Variants in PPP3R1 observed in about 807,000 individuals in gnomAD.
PPP3R1 encodes protein phosphatase 3 regulatory subunit B, alpha, also known as calcineurin subunit B type 1.
PPP3R1 carries 5 observed loss-of-function variants against 22.6 expected under a neutral mutation model. That is an observed-to-expected ratio of 0.22 (90% CI 0.12 to 0.46). The LOEUF is 0.46. Ranked by LOEUF, PPP3R1 falls within the 20% of genes least tolerant of loss-of-function variation. The pLI, the probability that PPP3R1 is intolerant of heterozygous loss-of-function variation, is 0.99. For synonymous variants in PPP3R1, 56 were observed against 65.2 expected (o/e 0.86, Z 0.68); for missense variants, 61 against 203.2 (o/e 0.30, Z 4.25).
chr2:68,238,679 A>C (rs1305549334), intron 1 of PPP3R1, among the ~76,000 whole-genome samples: 3 of 152,328 alleles, frequency 2.0e-5, no homozygotes, highest in Admixed American at 2.0e-4. Flanking sequence ...CACAGGCAAA[A>C]AGAAAAAAGT....
chr2:68,211,222 C>T (rs565008839), intron 2 of PPP3R1, among the ~76,000 whole-genome samples: 1 of 151,870 alleles, frequency 6.6e-6, no homozygotes, highest in Non-Finnish European at 1.5e-5. Flanking sequence ...CTGGCTAACA[C>T]AATGAAACCC....
chr2:68,231,656 G>A (rs1220001849), intron 1 of PPP3R1, among the ~76,000 whole-genome samples: 1 of 152,034 alleles, frequency 6.6e-6, no homozygotes, highest in Non-Finnish European at 1.5e-5. Context: ...TATTGGTTGA[G>A]ATTTAACAAA....
At chr2:68,236,335 T>C (rs955834330) in intron 1 of PPP3R1, among the ~76,000 whole-genome samples, 4 of 152,116 alleles carry the variant, frequency 2.6e-5, no homozygotes, top group Non-Finnish European at 5.9e-5. Flanking sequence ...AATGGCAGAG[T>C]TGAAATGGTG....
intron 1 of PPP3R1, among the ~76,000 whole-genome samples, chr2:68,236,762 C>A (rs970046289): frequency 2.0e-5 from 3 of 151,978 alleles, no homozygotes; most frequent in African/African-American, 7.2e-5. Flanking sequence ...TAACCTAGGG[C>A]CAGGTTATAA....
At chr2:68,207,466 T>C (rs951403854) in intron 2 of PPP3R1, among the ~76,000 whole-genome samples, 5 of 152,176 alleles carry the variant, frequency 3.3e-5, no homozygotes, top group South Asian at 4.1e-4. Context: ...TTATTTCAAA[T>C]GCTTACCACA....
At chr2:68,236,311 C>T (rs7584955) in intron 1 of PPP3R1, among the ~76,000 whole-genome samples, 3,550 of 152,250 alleles carry the variant, frequency 0.023, 129 homozygotes, top group African/African-American at 0.081. Flanking sequence ...CTGTCTATAG[C>T]TGCTTCACAC....
At chr2:68,229,926 A>ATGTG (rs548038517) in intron 1 of PPP3R1, among the ~76,000 whole-genome samples, 8 of 149,082 alleles carry the variant, frequency 5.4e-5, no homozygotes, top group African/African-American at 2.0e-4. Flanking sequence ...GTGTATATAT[A>ATGTG]TGTGTGTGTA....
intron 1 of PPP3R1, among the ~76,000 whole-genome samples, chr2:68,232,623 T>C (rs1002430025): frequency 2.0e-5 from 3 of 152,046 alleles, no homozygotes; most frequent in Non-Finnish European, 2.9e-5. Flanking sequence ...GTTGTTGTTT[T>C]TGAGACAGAG....
chr2:68,210,679 ATTGT>A (rs1317602305), intron 2 of PPP3R1, among the ~76,000 whole-genome samples: 5 of 152,192 alleles, frequency 3.3e-5, no homozygotes, highest in African/African-American at 1.2e-4. Flanking sequence ...AATGTTAGAA[ATTGT>A]TAGGAGGCTA....
chr2:68,229,965 T>TACACACACACACACACAC (rs1157191768), intron 1 of PPP3R1, among the ~76,000 whole-genome samples: 4 of 49,486 alleles, frequency 8.1e-5, no homozygotes, highest in Admixed American at 2.4e-4. Context: ...TGTGTATATA[T>TACACACACACACACACAC]ACACACATAC....
chr2:68,213,554 G>C (rs955552650), intron 2 of PPP3R1, among the ~76,000 whole-genome samples: 5 of 152,094 alleles, frequency 3.3e-5, no homozygotes, highest in Non-Finnish European at 5.9e-5. Flanking sequence ...CCACCATACA[G>C]ATATAATAAT....
intron 1 of PPP3R1, among the ~76,000 whole-genome samples, chr2:68,240,937 G>A (rs1283351701): frequency 6.6e-6 from 1 of 152,196 alleles, no homozygotes; most frequent in African/African-American, 2.4e-5. Flanking sequence ...GGTAGAAATA[G>A]CAACTAGCAA....
At chr2:68,251,330 CA>C (rs1465329887) in intron 1 of PPP3R1, among the ~76,000 whole-genome samples, 3 of 151,800 alleles carry the variant, frequency 2.0e-5, no homozygotes, top group Non-Finnish European at 2.9e-5. Flanking sequence ...CGCCATGATT[CA>C]AAAACAACCA....
At chr2:68,210,644 G>T (rs999993316) in intron 2 of PPP3R1, among the ~76,000 whole-genome samples, 1 of 152,140 alleles carries the variant, frequency 6.6e-6, no homozygotes, top group Non-Finnish European at 1.5e-5. Context: ...CTAACTCTAG[G>T]TAGTTGAAGC....
chr2:68,195,621 C>A (rs902422229), intron 2 of PPP3R1, among the ~76,000 whole-genome samples: 2 of 152,136 alleles, frequency 1.3e-5, no homozygotes, highest in Non-Finnish European at 2.9e-5. Flanking sequence ...ACATTTATTA[C>A]CGTGGTATTT....
chr2:68,229,958 G>GTA (rs1171268975), intron 1 of PPP3R1, among the ~76,000 whole-genome samples: 67 of 105,854 alleles, frequency 6.3e-4, no homozygotes, highest in Non-Finnish European at 1.0e-3. Flanking sequence ...ATGTGTGTGT[G>GTA]TATATATACA....
chr2:68,204,439 G>T (rs28485786), intron 2 of PPP3R1, among the ~76,000 whole-genome samples: 3,498 of 151,404 alleles, frequency 0.023, 116 homozygotes, highest in African/African-American at 0.081. Context: ...CATTAATTTT[G>T]TAAGATTTAC....
At chr2:68,182,475 A>G (rs1256172631) in intron 5 of PPP3R1, among the ~76,000 whole-genome samples, 1 of 152,014 alleles carries the variant, frequency 6.6e-6, no homozygotes, top group Admixed American at 6.5e-5. Context: ...CACACTTCAC[A>G]AACTCTGTAC....
intron 1 of PPP3R1, among the ~76,000 whole-genome samples, chr2:68,234,160 G>A (rs1488632021): frequency 2.6e-5 from 4 of 152,032 alleles, no homozygotes; most frequent in African/African-American, 7.3e-5. Flanking sequence ...TGGCTAACAC[G>A]GTGAAACCCC....
Sources: allele counts gnomAD v4.1 joint callset (sites outside exome capture counted in the v4.1 genomes callset), GRCh38; gene constraint gnomAD v4.1.1; transcripts MANE v1.5; gene names NCBI Gene and HGNC (gene_info 2026-07-23, HGNC 2026-07-21).